The following ULK4 variants were observed in gnomAD, a reference collection of about 807,000 sequenced individuals.
ULK4 encodes inactive serine/threonine-protein kinase ULK4.
A neutral mutation model predicts 160.6 loss-of-function variants in ULK4; 133 were observed. The observed-to-expected ratio is 0.83, with a 90% CI of 0.72 to 0.96. The LOEUF (loss-of-function observed/expected upper bound fraction) is 0.96, where lower values mean the gene tolerates loss of function less well. Ranked by LOEUF, ULK4 falls within the 40% of genes least tolerant of loss-of-function variation. The pLI, the probability that ULK4 is intolerant of heterozygous loss-of-function variation, is 0.00. For synonymous variants in ULK4, 534 were observed against 539.8 expected, an observed-to-expected ratio of 0.99 and a Z score of 0.15; for missense variants, 1,580 against 1,499.5, an observed-to-expected ratio of 1.05 and a Z score of -0.89.
chr3:41,275,473 GA>G (rs1446480423), intron 35 of ULK4, among the ~76,000 whole-genome samples: 1 of 152,208 alleles, frequency 6.6e-6, no homozygotes, highest in Non-Finnish European at 1.5e-5. Context: ...AACTTAAAAA[GA>G]ATGCCTACAA....
chr3:41,901,072 T>C (rs372446184), intron 12 of ULK4, among the ~76,000 whole-genome samples: 171 of 152,158 alleles, frequency 1.1e-3, no homozygotes, highest in African/African-American at 3.9e-3. Context: ...GAATTGCTCA[T>C]GTTACCACTA....
At chr3:41,773,022 C>T (rs2039456531) in intron 21 of ULK4, among the ~76,000 whole-genome samples, 1 of 152,298 alleles carries the variant, frequency 6.6e-6, no homozygotes, top group East Asian at 1.9e-4. Flanking sequence ...ATTCAACAAT[C>T]CTTCATGCTA....
At chr3:41,946,155 C>T (rs1717026) in intron 2 of ULK4, among the ~76,000 whole-genome samples, 124,617 of 152,078 alleles carry the variant, frequency 0.82, 55,081 homozygotes, top group Non-Finnish European at 0.98. Context: ...TATACTCTCC[C>T]GTATGTATAT....
intron 35 of ULK4, among the ~76,000 whole-genome samples, chr3:41,356,495 A>G (rs564937142): frequency 3.3e-5 from 5 of 152,312 alleles, no homozygotes; most frequent in South Asian, 2.1e-4. Context: ...CTTACTACTT[A>G]TTAAGTGTAG....
chr3:41,882,150 G>A (rs1026697101), intron 17 of ULK4: 2 of 700,554 alleles, frequency 2.9e-6, no homozygotes, highest in African/African-American at 3.5e-5. Flanking sequence ...GGAGTCCCAA[G>A]AATGCTGATA....
At chr3:41,868,799 TC>T (rs1274434077) in intron 17 of ULK4, among the ~76,000 whole-genome samples, 3 of 151,568 alleles carry the variant, frequency 2.0e-5, no homozygotes, top group African/African-American at 7.3e-5. Context: ...ACCAGCTAGG[TC>T]TTTTTTTTCC....
At chr3:41,249,293 C>T (rs1380971825) in intron 36 of ULK4, among the ~76,000 whole-genome samples, 196 bp downstream of exon 36, 3 of 152,212 alleles carry the variant, frequency 2.0e-5, no homozygotes, top group South Asian at 2.1e-4. Flanking sequence ...CTTTCCCCAC[C>T]ATAACTGGGG....
At chr3:41,905,959 T>A (rs530083208) in intron 12 of ULK4, among the ~76,000 whole-genome samples, 2 of 152,224 alleles carry the variant, frequency 1.3e-5, no homozygotes, top group Admixed American at 1.3e-4. Flanking sequence ...GGCTCACGCC[T>A]ATAATCCTAG....
intron 35 of ULK4, among the ~76,000 whole-genome samples, chr3:41,291,503 A>G: frequency 1.2e-4 from 1 of 8,004 alleles, no homozygotes; most frequent in Non-Finnish European, 5.3e-4. Context: ...GAAAGGAAAG[A>G]AAGAAAGGAA....
chr3:41,674,096 G>A (rs972140964), intron 29 of ULK4, among the ~76,000 whole-genome samples: 6 of 152,092 alleles, frequency 3.9e-5, no homozygotes, highest in Non-Finnish European at 7.4e-5. Context: ...ACAATCACAC[G>A]ATACAGTACT....
At chr3:41,860,839 G>A (rs1239503052) in intron 17 of ULK4, among the ~76,000 whole-genome samples, 4 of 151,892 alleles carry the variant, frequency 2.6e-5, no homozygotes, top group Non-Finnish European at 5.9e-5. Flanking sequence ...ATTTTCTCTG[G>A]GGATATGATT....
At chr3:41,595,298 G>A (rs73830283) in intron 31 of ULK4, among the ~76,000 whole-genome samples, 7,322 of 152,156 alleles carry the variant, frequency 0.048, 408 homozygotes, top group African/African-American at 0.13. Flanking sequence ...CCTGCCCACT[G>A]ATCCTGCCGC....
At chr3:41,706,885 G>GTATA (rs2036916180) in intron 25 of ULK4, among the ~76,000 whole-genome samples, 2 of 127,520 alleles carry the variant, frequency 1.6e-5, no homozygotes, top group South Asian at 2.3e-4. Flanking sequence ...GTGTGTGTGT[G>GTATA]TGTGTATATA....
intron 23 of ULK4, 69 bp downstream of exon 23, chr3:41,717,659 G>A (rs1408802096): frequency 1.2e-5 from 18 of 1,548,498 alleles, no homozygotes; most frequent in African/African-American, 2.7e-5. Context: ...AAAAAGAACT[G>A]ATGCCTAAAA....
chr3:41,434,165 T>C (rs757595866), intron 34 of ULK4, among the ~76,000 whole-genome samples: 1 of 152,224 alleles, frequency 6.6e-6, no homozygotes, highest in Admixed American at 6.5e-5. Flanking sequence ...CTTCATGCTA[T>C]ATGAACAAGG....
chr3:41,913,371 G>A (rs868204237), intron 8 of ULK4, among the ~76,000 whole-genome samples: 5 of 151,988 alleles, frequency 3.3e-5, no homozygotes, highest in South Asian at 4.2e-4. Flanking sequence ...GACTACAGGC[G>A]TCCGCCACCA....
intron 34 of ULK4, among the ~76,000 whole-genome samples, chr3:41,447,893 T>C (rs1035060264): frequency 1.3e-5 from 2 of 152,054 alleles, no homozygotes; most frequent in Non-Finnish European, 2.9e-5. Context: ...GAAGTCTAAA[T>C]GATGCAATTT....
rs180672289 is a variant in ULK4 at position 41,597,139 on chromosome 3, G to A, written c.3120+18530C>T. 1.0e-3 allele frequency among the ~76,000 whole-genome samples: 155 copies of A among 152,246 alleles called. 1 individual carries two copies. Among genetic ancestry groups the A allele is most frequent in the African/African-American group, 3.6e-3 (151 of 41,554 alleles). ...GACCCCTGTTTTCACACAGCACGGA[G>A]GTGACTGGGAGGGGTAGTCTCCCCA... On this transcript the variant is annotated intron_variant, in intron 31 of 36. Transcript: ENST00000301831.
At chr3:41,770,118 C>A (rs913474468) in intron 21 of ULK4, among the ~76,000 whole-genome samples, 1 of 152,160 alleles carries the variant, frequency 6.6e-6, no homozygotes, top group African/African-American at 2.4e-5. Flanking sequence ...AAAAATATCA[C>A]AATATACACA....
Sources: allele counts gnomAD v4.1 joint callset (sites outside exome capture counted in the v4.1 genomes callset), GRCh38; gene constraint gnomAD v4.1.1; transcripts MANE v1.5; gene names NCBI Gene and HGNC (gene_info 2026-07-23, HGNC 2026-07-21).